Variants in PLCE1 observed in about 807,000 individuals in gnomAD.
PLCE1 encodes the protein 1-phosphatidylinositol 4,5-bisphosphate phosphodiesterase epsilon-1.
In PLCE1, 119 loss-of-function variants were observed where a neutral mutation model predicts 242.8. The ratio of observed to expected loss-of-function variants is 0.49; its 90% CI spans 0.42 to 0.57. The LOEUF is 0.57. Ranked by LOEUF, PLCE1 falls within the 20% of genes least tolerant of loss-of-function variation. The probability of loss-of-function intolerance (pLI) is 0.00; values close to 1 mark genes in which losing one functional copy is unlikely to be tolerated. For synonymous variants in PLCE1, 945 were observed against 1,017.4 expected, an observed-to-expected ratio of 0.93 and a Z score of 1.35; for missense variants, 2,441 against 2,788.8, an observed-to-expected ratio of 0.88 and a Z score of 2.81.
intron 8 of PLCE1, 48 bp from the exon 9 acceptor site, chr10:94,252,268 C>T: frequency 6.5e-7 from 1 of 1,532,768 alleles, no homozygotes; most frequent in Non-Finnish European, 9.0e-7. Flanking sequence ...ATTTACTTCC[C>T]CATTGCTTGA....
At chr10:94,210,530 G>C (rs2049300047) in intron 4 of PLCE1, among the ~76,000 whole-genome samples, 1 of 152,148 alleles carries the variant, frequency 6.6e-6, no homozygotes, top group Non-Finnish European at 1.5e-5. Flanking sequence ...CCTTCCAGCT[G>C]CATGGCCCCA....
intron 4 of PLCE1, among the ~76,000 whole-genome samples, chr10:94,204,418 T>C (rs1182337375): frequency 6.6e-6 from 1 of 151,886 alleles, no homozygotes; most frequent in Non-Finnish European, 1.5e-5. Context: ...CCTGTAATCC[T>C]AGCACTTTGG....
At chr10:94,296,206 CA>C (rs200197176) in intron 23 of PLCE1, among the ~76,000 whole-genome samples, 32 of 147,486 alleles carry the variant, frequency 2.2e-4, no homozygotes, top group African/African-American at 5.7e-4. Flanking sequence ...ACTAAAAATA[CA>C]AAAAAAAAAT....
intron 19 of PLCE1, among the ~76,000 whole-genome samples, chr10:94,277,641 C>T (rs950782427): frequency 1.3e-5 from 2 of 152,178 alleles, no homozygotes; most frequent in Admixed American, 1.3e-4. Flanking sequence ...CTTGGCATTA[C>T]CTTGAGTGCT....
rs963875101 is a variant in PLCE1 at position 94,331,333 on chromosome 10, C to T, written c.*3390C>T. On this transcript the variant is annotated 3_prime_UTR_variant, in exon 33 of 33. Transcript: ENST00000371380. Reference sequence around the variant, plus strand: ...TTACCTTTTGCTAACTACATCGTCCCCTTCCTTTCTTCTCTCCTCTTCCAA... The same window carrying T: ...TTACCTTTTGCTAACTACATCGTCCTCTTCCTTTCTTCTCTCCTCTTCCAA... The T allele has an allele frequency of 3.9e-5, 6 of 152,190 alleles. No individual in the cohort carries two copies. Among genetic ancestry groups the T allele is most frequent in the Non-Finnish European group, 5.9e-5 (4 of 68,048 alleles). The allele number at this position is 152,190 out of a possible 1,614,324, so 9.4% of individuals were successfully genotyped here.
At chr10:94,315,745 G>A (rs567534230) in intron 28 of PLCE1, among the ~76,000 whole-genome samples, 1 of 142,322 alleles carries the variant, frequency 7.0e-6, no homozygotes, top group East Asian at 2.1e-4. Flanking sequence ...ACTCCAGCCT[G>A]GGCGACAGAG....
At chr10:93,996,423 AT>A (rs1322756556) in intron 1 of PLCE1, among the ~76,000 whole-genome samples, 1 of 152,208 alleles carries the variant, frequency 6.6e-6, no homozygotes, top group Non-Finnish European at 1.5e-5. Context: ...ATTAGGAAAC[AT>A]GGTGCTTCTG....
chr10:94,190,025 G>A (rs1444749929), intron 4 of PLCE1, among the ~76,000 whole-genome samples: 1 of 152,232 alleles, frequency 6.6e-6, no homozygotes, highest in Admixed American at 6.5e-5. Flanking sequence ...TCCAAGCCGA[G>A]TGCAGTGGCT....
chr10:94,253,280 G>T (rs1379667849), intron 9 of PLCE1, among the ~76,000 whole-genome samples: 1 of 152,186 alleles, frequency 6.6e-6, no homozygotes, highest in African/African-American at 2.4e-5. Flanking sequence ...TTACAGTCAT[G>T]GCAGAAGGTG....
chr10:94,315,523 C>A lies in PLCE1; in HGVS notation c.6133-1024C>A, dbSNP rs1230112021. ...AACTATAATGCCTGTAATCCCGGCA[C>A]TTTGGGAGGCCGAGGCGGGCAGATC... On this transcript the variant is annotated intron_variant, in intron 28 of 32. Coordinates refer to ENST00000371380, the MANE Select transcript of PLCE1 (RefSeq NM_016341.4). 3.5e-5 allele frequency: 16 copies of A among 455,752 alleles called. No individual in the cohort carries two copies. In the East Asian group the frequency reaches 1.1e-3, roughly 32 times the overall value. 28.2% of individuals were successfully genotyped at this position (455,752 alleles called of 1,614,324 possible). A position where few individuals can be genotyped will look rare whatever the true frequency, so the allele number is the denominator to read the frequency against.
chr10:94,070,019 C>T (rs1217294828), intron 2 of PLCE1, among the ~76,000 whole-genome samples: 3 of 152,040 alleles, frequency 2.0e-5, no homozygotes, highest in Non-Finnish European at 4.4e-5. Context: ...AGCCTCCTTC[C>T]TTCAATTAAA....
Position 94,324,715 on chromosome 10 carries a change from C to T in PLCE1, c.6720+148C>T, listed in dbSNP as rs77912520. 6.3e-4 allele frequency: 628 copies of T among 989,506 alleles called. 5 individuals carry two copies. The East Asian group carries it at 0.014, about 22-fold the overall frequency. The allele number at this position is 989,506 out of a possible 1,614,324, so 61.3% of individuals were successfully genotyped here. A position where few individuals can be genotyped will look rare whatever the true frequency, so the allele number is the denominator to read the frequency against. The stretch of plus-strand genomic sequence containing the variant: ...AGAAAATTGTTTGGCTTTGTTTTCA[C>T]TGTGTGAAAAAACATGTGGCCGAGC... On this transcript the variant is annotated intron_variant, in intron 31 of 32. Coordinates refer to ENST00000371380, the MANE Select transcript of PLCE1 (RefSeq NM_016341.4).
At chr10:94,143,412 CT>C (rs1174070828) in intron 3 of PLCE1, among the ~76,000 whole-genome samples, 1 of 152,136 alleles carries the variant, frequency 6.6e-6, no homozygotes, top group Non-Finnish European at 1.5e-5. Flanking sequence ...ATACATGACA[CT>C]TCTACTTTTG....
intron 2 of PLCE1, among the ~76,000 whole-genome samples, chr10:94,062,604 GTTTT>G (rs77625602): frequency 2.0e-5 from 2 of 99,348 alleles, no homozygotes; most frequent in South Asian, 3.0e-4. Flanking sequence ...GTTTTGTTTT[GTTTT>G]TTTTTTTAGA....
chr10:94,075,043 C>T (rs2044461563), intron 2 of PLCE1, among the ~76,000 whole-genome samples: 3 of 151,276 alleles, frequency 2.0e-5, no homozygotes, highest in Admixed American at 1.3e-4. Context: ...TCTCTGCCTG[C>T]CTTCTTCCCC....
intron 27 of PLCE1, among the ~76,000 whole-genome samples, chr10:94,313,010 C>T (rs2053436426): frequency 6.6e-6 from 1 of 152,102 alleles, no homozygotes; most frequent in Non-Finnish European, 1.5e-5. Flanking sequence ...TAATATCAGC[C>T]TCTAATTATG....
chr10:94,286,773 T>C (rs1352100563), intron 22 of PLCE1: 1 of 152,164 alleles, frequency 6.6e-6, no homozygotes, highest in Non-Finnish European at 1.5e-5. Context: ...CCTCATGGCA[T>C]ATAAGTACAA....
intron 4 of PLCE1, among the ~76,000 whole-genome samples, chr10:94,208,894 C>T (rs1005555932): frequency 3.9e-5 from 6 of 152,192 alleles, no homozygotes; most frequent in African/African-American, 1.2e-4. Flanking sequence ...CCAAACTAAT[C>T]GTCGCCACAA....
At chr10:94,169,304 G>A (rs1368407920) in intron 3 of PLCE1, among the ~76,000 whole-genome samples, 1 of 152,184 alleles carries the variant, frequency 6.6e-6, no homozygotes, top group African/African-American at 2.4e-5. Flanking sequence ...GAGGTTTGGA[G>A]TTTAAAGGAT....
Sources: gnomAD v4.1 joint callset for allele counts (sites outside exome capture counted in the v4.1 genomes callset) on GRCh38, gnomAD v4.1.1 for gene constraint, MANE v1.5 for transcripts, NCBI Gene and HGNC (gene_info 2026-07-23, HGNC 2026-07-21) for gene names.